Variants in TRRAP observed in about 807,000 individuals in gnomAD.
TRRAP encodes transformation/transcription domain associated protein.
A neutral mutation model predicts 438.8 loss-of-function variants in TRRAP; 41 were observed. That is an observed-to-expected ratio of 0.09 (90% confidence interval 0.07 to 0.12). The LOEUF is 0.12. TRRAP is among the 10% of genes least tolerant of loss of function. TRRAP has a pLI of 1.00. For missense variants in TRRAP, 3,122 were observed against 5,055.1 expected (o/e 0.62, Z 11.60); for synonymous variants, 1,994 against 1,962.9 (o/e 1.02, Z -0.42).
At chr7:98,936,276 A>G (rs1411084577) in intron 28 of TRRAP, among the ~76,000 whole-genome samples, 19 of 152,254 alleles carry the variant, frequency 1.2e-4, no homozygotes, top group African/African-American at 4.6e-4. Flanking sequence ...TTCTTGAGTT[A>G]GAGGTGGAGA....
chr7:99,008,711 T>G, intron 70 of TRRAP, 150 bp downstream of exon 70: 1 of 864,534 alleles, frequency 1.2e-6, no homozygotes, highest in Non-Finnish European at 1.7e-6. Flanking sequence ...ACTCATGAGA[T>G]GGTGGAAATG....
chr7:98,910,994 G>A (rs1423469073), intron 16 of TRRAP, 83 bp from the exon 17 acceptor site: 4 of 1,205,554 alleles, frequency 3.3e-6, no homozygotes, highest in Non-Finnish European at 4.6e-6. Context: ...TTTTAAGTAT[G>A]CAGCTGATCT....
intron 3 of TRRAP, among the ~76,000 whole-genome samples, chr7:98,887,876 A>G (rs1795786805): frequency 6.6e-6 from 1 of 151,844 alleles, no homozygotes; most frequent in South Asian, 2.1e-4. Flanking sequence ...CTTTCTCTTT[A>G]GCCCCATATT....
chr7:98,957,289 C>T (rs1456051755), intron 43 of TRRAP, among the ~76,000 whole-genome samples: 3 of 152,176 alleles, frequency 2.0e-5, no homozygotes, highest in African/African-American at 2.4e-5. Context: ...TTCCTCTCTC[C>T]GCCTCCACTT....
rs782337504 is a variant in TRRAP at position 98,910,181 on chromosome 7, A to G, written c.1476A>G (p.Ala492=). ...TGCCTGGGGTGCCCACTGCCCCTGC[A>G]GCTCCTGGCCCTGCTCCCTCCCCAG... is the stretch of plus-strand genomic sequence containing the variant. ...AALPGVPTAP[A]APGPAPSPAP... The change falls in exon 15 of 73, where the codon GCA becomes GCG. Residue 492 remains alanine (A), a synonymous_variant. Transcript: ENST00000456197. 2 of 1,610,480 alleles carry G rather than the reference A, an allele frequency of 1.2e-6. No individual in the cohort carries two copies. The highest frequency in any genetic ancestry group is 2.2e-5 in the East Asian group (1 of 44,858).
intron 59 of TRRAP, 66 bp downstream of exon 59, chr7:98,982,026 G>A (rs982528510): frequency 4.8e-5 from 69 of 1,424,446 alleles, no homozygotes; most frequent in Non-Finnish European, 6.2e-5. Context: ...CGGTGTCCAG[G>A]CTTAGGTCTG....
rs181138888 is a variant in TRRAP at position 98,970,338 on chromosome 7, C to G, written c.7692+47C>G. 1,830 of 1,588,760 alleles carry G rather than the reference C, an allele frequency of 1.2e-3. 47 individuals carry two copies. The Admixed American group carries it at 0.03, about 26-fold the overall frequency. On this transcript the variant is annotated intron_variant, in intron 52 of 72. Transcript: ENST00000456197. The stretch of plus-strand genomic sequence containing the variant: ...GCAGAATCCCAGAGAGGAGGTGAGG[C>G]CCCACACCCCACGGGCAGAATCCCA...
intron 3 of TRRAP, among the ~76,000 whole-genome samples, chr7:98,883,895 G>T (rs1171111537): frequency 6.6e-6 from 1 of 152,228 alleles, no homozygotes; most frequent in Non-Finnish European, 1.5e-5. Context: ...TCCCTCGGAA[G>T]AATGTCGACG....
At chr7:98,887,637 A>G (rs1795770925) in intron 3 of TRRAP, among the ~76,000 whole-genome samples, 1 of 146,866 alleles carries the variant, frequency 6.8e-6, no homozygotes, top group South Asian at 2.2e-4. Context: ...AGGCTGAGGC[A>G]GGAGAATCAC....
chr7:98,879,766 C>T (rs1795332988), intron 1 of TRRAP, among the ~76,000 whole-genome samples: 1 of 152,188 alleles, frequency 6.6e-6, no homozygotes, highest in African/African-American at 2.4e-5. Flanking sequence ...CACCTGTGGG[C>T]ATGCTCTCTG....
intron 23 of TRRAP, among the ~76,000 whole-genome samples, chr7:98,928,688 C>G (rs1413395725): frequency 1.3e-5 from 2 of 152,126 alleles, no homozygotes; most frequent in Non-Finnish European, 2.9e-5. Flanking sequence ...CATGGTCATT[C>G]CCATATTCTG....
Position 98,931,569 on chromosome 7 carries a change from A to G in TRRAP, c.3756A>G (p.Pro1252=). The G allele has an allele frequency of 6.2e-7, 1 of 1,614,210 alleles. No individual in the cohort carries two copies. The highest frequency in any genetic ancestry group is 1.6e-4 in the Middle Eastern group (1 of 6,062). The change falls in exon 26 of 73, where the codon CCA becomes CCG. Residue 1252 remains proline (P), a synonymous_variant. Coordinates refer to ENST00000456197, the MANE Select transcript of TRRAP (RefSeq NM_001375524.1). ...ACTTGGTTCGAGAAGTCACCTCTCC[A>G]AACTCCACTGTGAGGAAGCAGGCCA... ...THDLVREVTS[P]NSTVRKQAMH...
intron 47 of TRRAP, among the ~76,000 whole-genome samples, chr7:98,964,351 C>G (rs1471918259): frequency 6.6e-6 from 1 of 151,946 alleles, no homozygotes; most frequent in East Asian, 1.9e-4. Context: ...TTGCCATCAC[C>G]CAAAAATAAA....
At chr7:98,975,790 C>A (rs1477490973) in intron 53 of TRRAP, among the ~76,000 whole-genome samples, 2 of 152,196 alleles carry the variant, frequency 1.3e-5, no homozygotes, top group Admixed American at 6.5e-5. Context: ...GTGGCCTGGG[C>A]CTCGGTGACA....
Position 98,906,275 on chromosome 7 carries a change from A to G in TRRAP, c.1115+20A>G, listed in dbSNP as rs782327513. ...TCTAAGGTATGAGATTAAACCAGTGATATCTGGTTGGTTAAATGCCAGGAG... is the reference window on the plus strand; with the variant it reads ...TCTAAGGTATGAGATTAAACCAGTGGTATCTGGTTGGTTAAATGCCAGGAG... On this transcript the variant is annotated intron_variant, in intron 13 of 72. Coordinates refer to ENST00000456197, the MANE Select transcript of TRRAP (RefSeq NM_001375524.1). 1 of 1,607,900 alleles carries G rather than the reference A, an allele frequency of 6.2e-7. No homozygotes were observed. The highest frequency in any genetic ancestry group is 1.1e-5 in the South Asian group (1 of 90,506).
At chr7:98,980,064 T>C (rs1159949517) in intron 58 of TRRAP, among the ~76,000 whole-genome samples, 12 of 152,192 alleles carry the variant, frequency 7.9e-5, no homozygotes, top group African/African-American at 2.4e-4. Flanking sequence ...TTGGTGCCAA[T>C]GTGGAGGGTA....
rs781703441 is a variant in TRRAP at position 99,005,088 on chromosome 7, G to A, written c.10536-43G>A. 3.8e-6 allele frequency: 6 copies of A among 1,588,780 alleles called. No homozygotes were observed. Among genetic ancestry groups the A allele is most frequent in the Non-Finnish European group, 5.2e-6 (6 of 1,159,936 alleles). On this transcript the variant is annotated intron_variant, in intron 68 of 72. Transcript: ENST00000456197. This position sits in a 1 kb window ranked among gnomAD's most constrained non-coding sequence, Gnocchi z 5.1. ...CTTCTTCTCAAGACAAGGACTGGTA[G>A]CAGAGATGCAGGGCATGTCCTCATG... is the stretch of plus-strand genomic sequence containing the variant.
At chr7:98,898,391 C>T (rs967454475) in intron 8 of TRRAP, among the ~76,000 whole-genome samples, 1 of 152,144 alleles carries the variant, frequency 6.6e-6, no homozygotes, top group African/African-American at 2.4e-5. Flanking sequence ...GGTAATGTAT[C>T]GTATATTTGT....
intron 27 of TRRAP, among the ~76,000 whole-genome samples, 166 bp downstream of exon 27, chr7:98,933,568 C>T (rs1416818915): frequency 6.6e-6 from 1 of 152,028 alleles, no homozygotes; most frequent in Non-Finnish European, 1.5e-5. Context: ...TATGTTGCGT[C>T]TGGGCTCGGG....
Sources: allele counts gnomAD v4.1 joint callset (sites outside exome capture counted in the v4.1 genomes callset), GRCh38; gene constraint gnomAD v4.1.1; non-coding constraint Gnocchi (gnomAD v3.1); transcripts MANE v1.5; gene names NCBI Gene and HGNC (gene_info 2026-07-23, HGNC 2026-07-21).